Variants in AKAP13 observed in about 807,000 individuals in gnomAD.
AKAP13 encodes the protein A-kinase anchor protein 13.
In AKAP13, 80 loss-of-function variants were observed where a neutral mutation model predicts 264.5. That is an observed-to-expected ratio of 0.30 (90% CI 0.25 to 0.36). The LOEUF (loss-of-function observed/expected upper bound fraction) is 0.36, where lower values mean the gene tolerates loss of function less well. Ranked by LOEUF, AKAP13 falls within the 10% of genes least tolerant of loss-of-function variation. The pLI, the probability that AKAP13 is intolerant of heterozygous loss-of-function variation, is 1.00. For synonymous variants in AKAP13, 1,380 were observed against 1,250.2 expected (o/e 1.10, Z -2.19); for missense variants, 3,712 against 3,435.2 (o/e 1.08, Z -2.01).
intron 2 of AKAP13, among the ~76,000 whole-genome samples, chr15:85,494,027 T>G (rs1193521819): frequency 6.6e-6 from 1 of 152,168 alleles, no homozygotes; most frequent in Non-Finnish European, 1.5e-5. Context: ...GGTACCCCAT[T>G]TTAGGAAAAT....
At chr15:85,681,301 A>G (rs1352593940) in intron 14 of AKAP13, among the ~76,000 whole-genome samples, 9 of 152,356 alleles carry the variant, frequency 5.9e-5, no homozygotes, top group South Asian at 2.1e-4. Context: ...AAATAGTTCT[A>G]TAACTGATGT....
At chr15:85,650,791 CAACAAAAA>C (rs2082796706) in intron 10 of AKAP13, among the ~76,000 whole-genome samples, 1 of 65,150 alleles carries the variant, frequency 1.5e-5, no homozygotes, top group Admixed American at 1.8e-4. Flanking sequence ...AAAAAAAAAA[CAACAAAAA>C]CTGCAATTGC....
intron 1 of AKAP13, among the ~76,000 whole-genome samples, chr15:85,407,857 A>G (rs2071751786): frequency 6.6e-6 from 1 of 151,668 alleles, no homozygotes; most frequent in East Asian, 1.9e-4. Flanking sequence ...GGCTTGGCAG[A>G]GGGAGAAGGG....
intron 17 of AKAP13, among the ~76,000 whole-genome samples, chr15:85,701,530 C>A (rs372471721): frequency 6.6e-6 from 1 of 152,126 alleles, no homozygotes; most frequent in East Asian, 1.9e-4. Context: ...ACCTCCTCCT[C>A]CCAGGTTCAA....
chr15:85,466,528 G>A (rs971910442), intron 1 of AKAP13, among the ~76,000 whole-genome samples: 4 of 152,122 alleles, frequency 2.6e-5, no homozygotes, highest in East Asian at 1.9e-4. Flanking sequence ...ATTAATTTTC[G>A]TATAAGGTGT....
intron 1 of AKAP13, among the ~76,000 whole-genome samples, chr15:85,473,766 C>T (rs1032641601): frequency 6.6e-6 from 1 of 152,190 alleles, no homozygotes. Flanking sequence ...AGCCAGGGGC[C>T]TCCCTCCTCT....
At chr15:85,512,868 T>C (rs2076485357) in intron 2 of AKAP13, among the ~76,000 whole-genome samples, 1 of 139,070 alleles carries the variant, frequency 7.2e-6, no homozygotes, top group Non-Finnish European at 1.6e-5. Flanking sequence ...TATGTATGTA[T>C]GTTTTTGAGG....
intron 4 of AKAP13, among the ~76,000 whole-genome samples, chr15:85,537,337 T>C (rs1427299980): frequency 6.6e-6 from 1 of 152,228 alleles, no homozygotes; most frequent in Non-Finnish European, 1.5e-5. Context: ...TACAGGTAAA[T>C]AAGGCACCTT....
At chr15:85,707,818 A>G (rs1442349309) in intron 17 of AKAP13, among the ~76,000 whole-genome samples, 1 of 151,844 alleles carries the variant, frequency 6.6e-6, no homozygotes, top group Non-Finnish European at 1.5e-5. Context: ...AAAAAATCAC[A>G]TCTGCTCGTG....
At chr15:85,506,813 G>A (rs555570204) in intron 2 of AKAP13, among the ~76,000 whole-genome samples, 1 of 152,240 alleles carries the variant, frequency 6.6e-6, no homozygotes, top group South Asian at 2.1e-4. Context: ...CGTTTCATGG[G>A]CCCCCTTGGT....
intron 14 of AKAP13, among the ~76,000 whole-genome samples, chr15:85,676,721 A>G (rs955448215): frequency 2.0e-5 from 3 of 152,220 alleles, no homozygotes; most frequent in African/African-American, 7.2e-5. Flanking sequence ...AGAGAACCCC[A>G]GGTATGAATT....
chr15:85,684,251 C>G (rs1025651205), intron 15 of AKAP13, among the ~76,000 whole-genome samples: 1 of 152,070 alleles, frequency 6.6e-6, no homozygotes, highest in Non-Finnish European at 1.5e-5. Context: ...CATGAGGTCA[C>G]TGAAAATCCA....
chr15:85,657,559 C>T (rs1316754634), intron 11 of AKAP13, among the ~76,000 whole-genome samples: 3 of 152,076 alleles, frequency 2.0e-5, no homozygotes, highest in Admixed American at 6.6e-5. Flanking sequence ...AGTCAAATGC[C>T]GTTTCTATAA....
chr15:85,534,050 C>G (rs2077316533), intron 4 of AKAP13, 170 bp downstream of exon 4: 1 of 662,024 alleles, frequency 1.5e-6, no homozygotes, highest in African/African-American at 1.8e-5. Flanking sequence ...CTAGGTTCTT[C>G]AATTGAGCTG....
At chr15:85,663,085 G>A (rs746738880) in intron 12 of AKAP13, among the ~76,000 whole-genome samples, 14 of 152,084 alleles carry the variant, frequency 9.2e-5, no homozygotes, top group African/African-American at 1.4e-4. Context: ...TGCGGTGGGC[G>A]GATCACCTGA....
In AKAP13 at chr15:85,664,681, G is replaced by A; in HGVS notation, c.4918G>A (p.Val1640Ile). Reference sequence around the variant, plus strand: ...ACACCCATTCAGTGGTGAGGAACGGGTTGACTCTTTGGTGTCACTTTCAGA... The same window carrying A: ...ACACCCATTCAGTGGTGAGGAACGGATTGACTCTTTGGTGTCACTTTCAGA... ...LRHPFSGEER[V>I]DSLVSLSEED... Residue 1640 changes from valine (V) to isoleucine (I), a missense_variant, in exon 13 of 37, where the codon GTT becomes ATT. Around this residue, in one of 3 missense-constraint regions of AKAP13, gnomAD observed 2,759 missense variants for 2,411.7 expected, o/e 1.14. Coordinates refer to ENST00000394518, the MANE Select transcript of AKAP13 (RefSeq NM_007200.5). 1 of 1,614,108 alleles carries A rather than the reference G, an allele frequency of 6.2e-7. No homozygotes were observed. Among genetic ancestry groups the A allele is most frequent in the Non-Finnish European group, 8.5e-7 (1 of 1,179,974 alleles).
chr15:85,445,651 A>G (rs28613235), intron 1 of AKAP13, among the ~76,000 whole-genome samples: 83,723 of 151,862 alleles, frequency 0.55, 23,984 homozygotes, highest in African/African-American at 0.67. Flanking sequence ...CTTACTTACA[A>G]ACTTGGAGAG....
intron 8 of AKAP13, chr15:85,619,595 A>G (rs2081084583): frequency 1.0e-6 from 1 of 985,410 alleles, no homozygotes; most frequent in South Asian, 4.7e-5. Flanking sequence ...TTTTCATGCC[A>G]TCGCTTTGAA....
At chr15:85,662,351 C>G (rs369346503) in intron 12 of AKAP13, 8 of 1,608,260 alleles carry the variant, frequency 5.0e-6, no homozygotes, top group Non-Finnish European at 6.8e-6. Flanking sequence ...CTCTTTTCTC[C>G]CTGCATTTCT....
Sources: allele counts gnomAD v4.1 joint callset (sites outside exome capture counted in the v4.1 genomes callset), GRCh38; gene constraint gnomAD v4.1.1; regional missense constraint gnomAD v4.1.1; transcripts MANE v1.5; gene names NCBI Gene and HGNC (gene_info 2026-07-23, HGNC 2026-07-21).